Variants in SIK3 observed in about 807,000 individuals in gnomAD.
The protein encoded by SIK3 is serine/threonine-protein kinase SIK3.
Under a neutral mutation model 144.2 loss-of-function variants are expected in SIK3, and 28 were observed. That is an observed-to-expected ratio of 0.19 (90% CI 0.14 to 0.27). SIK3 has a LOEUF of 0.27. Ranked by LOEUF, SIK3 falls within the 10% of genes least tolerant of loss-of-function variation. SIK3 has a pLI of 1.00. For missense variants in SIK3, 1,319 were observed against 1,776.0 expected (o/e 0.74, Z 4.62); for synonymous variants, 686 against 676.3 (o/e 1.01, Z -0.22).
At chr11:116,954,570 T>C (rs897267605) in intron 2 of SIK3, among the ~76,000 whole-genome samples, 1 of 152,126 alleles carries the variant, frequency 6.6e-6, no homozygotes, top group South Asian at 2.1e-4. Context: ...CTTTCTTTTT[T>C]TTATAGAAAT....
rs866099351 is a variant in SIK3 at position 116,996,818 on chromosome 11, T to A, written c.274-39754A>T. On this transcript the variant is annotated intron_variant, in intron 1 of 24. Coordinates refer to ENST00000445177, the MANE Select transcript of SIK3 (RefSeq NM_001366686.3). ...CTGGGCGCCAGAGGGAGACTCTCTC[T>A]CAAAAAAAAAAAAAAAAAAAAAAAA... Among the ~76,000 whole-genome samples, 114 of 32,520 alleles carry A rather than the reference T, an allele frequency of 3.5e-3. 2 individuals carry two copies. The East Asian group carries it at 0.079, about 22-fold the overall frequency. The allele number at this position is 32,520 out of a possible 152,430, so 21.3% of individuals were successfully genotyped here.
At chr11:116,916,250 A>C (rs1371748975) in intron 4 of SIK3, among the ~76,000 whole-genome samples, 21 of 152,180 alleles carry the variant, frequency 1.4e-4, no homozygotes, top group Non-Finnish European at 1.5e-5. Flanking sequence ...ATATTTTAAA[A>C]AGACTAGATG....
At chr11:116,892,147 C>T (rs1368667995) in intron 6 of SIK3, among the ~76,000 whole-genome samples, 1 of 152,110 alleles carries the variant, frequency 6.6e-6, no homozygotes, top group East Asian at 1.9e-4. Context: ...AAAAAGTTAA[C>T]TGAGGACTGA....
chr11:116,993,577 G>A (rs1478971221), intron 1 of SIK3, among the ~76,000 whole-genome samples: 1 of 152,092 alleles, frequency 6.6e-6, no homozygotes, highest in Non-Finnish European at 1.5e-5. Context: ...TAGAGGAGCA[G>A]ATATTTAGGA....
intron 21 of SIK3, among the ~76,000 whole-genome samples, chr11:116,856,083 G>A (rs1173481273): frequency 1.3e-5 from 2 of 151,964 alleles, no homozygotes; most frequent in Non-Finnish European, 2.9e-5. Flanking sequence ...TGTAGTCCCA[G>A]CTACTCGGGA....
intron 6 of SIK3, among the ~76,000 whole-genome samples, chr11:116,887,245 TAAAAAAA>T (rs5795056): frequency 1.9e-5 from 2 of 103,642 alleles, no homozygotes; most frequent in African/African-American, 3.7e-5. Context: ...GTCTCTACAC[TAAAAAAA>T]AAAAAAAAAA....
intron 3 of SIK3, among the ~76,000 whole-genome samples, chr11:116,928,306 G>C (rs1172692567): frequency 3.3e-5 from 5 of 152,204 alleles, no homozygotes. Context: ...GGTCATGACA[G>C]CTAGTGGGAT....
intron 1 of SIK3, among the ~76,000 whole-genome samples, chr11:117,082,421 TACA>T (rs1283714921): frequency 6.6e-6 from 1 of 152,144 alleles, no homozygotes; most frequent in East Asian, 1.9e-4. Flanking sequence ...GGCGTATCCA[TACA>T]ACATAATATT....
At chr11:116,847,405 G>A in intron 23 of SIK3, 71 bp downstream of exon 23, 2 of 1,596,716 alleles carry the variant, frequency 1.3e-6, no homozygotes, top group South Asian at 1.1e-5. Flanking sequence ...GAAGAGAGGA[G>A]CAGTTACGGA....
chr11:116,960,961 G>A (rs1429215959), intron 1 of SIK3, among the ~76,000 whole-genome samples: 1 of 152,178 alleles, frequency 6.6e-6, no homozygotes, highest in African/African-American at 2.4e-5. Context: ...CAAATTGAGG[G>A]ACCAAGAAGC....
chr11:117,090,975 A>T (rs1257306474), intron 1 of SIK3, among the ~76,000 whole-genome samples: 1 of 152,188 alleles, frequency 6.6e-6, no homozygotes, highest in African/African-American at 2.4e-5. Context: ...CTTCCCCAGT[A>T]AAAAAGCAAG....
At chr11:117,023,156 GC>G (rs1464070073) in intron 1 of SIK3, among the ~76,000 whole-genome samples, 1 of 152,078 alleles carries the variant, frequency 6.6e-6, no homozygotes, top group East Asian at 1.9e-4. Flanking sequence ...ATTCTTATTA[GC>G]AGTTGTTGAG....
At chr11:116,882,313 T>G (rs1944591088) in intron 6 of SIK3, among the ~76,000 whole-genome samples, 1 of 152,216 alleles carries the variant, frequency 6.6e-6, no homozygotes. Flanking sequence ...CAAACTTATT[T>G]ATATACTCTA....
At position 116,844,619 on chromosome 11, in the gene SIK3, A is replaced by T. The variant is rs868566733; in HGVS notation, c.*1024T>A. 1.2e-3 allele frequency: 49 copies of T among 40,418 alleles called. No individual in the cohort carries two copies. Among genetic ancestry groups the T allele is most frequent in the African/African-American group, 8.2e-3 (36 of 4,400 alleles). The allele number at this position is 40,418 out of a possible 1,614,324, so 2.5% of individuals were successfully genotyped here. ...ATTTTATATATATATTATATATATAATATATATATAATATATTATATTATA... is the reference window on the plus strand; with the variant it reads ...ATTTTATATATATATTATATATATATTATATATATAATATATTATATTATA... On this transcript the variant is annotated 3_prime_UTR_variant, in exon 25 of 25. Coordinates refer to ENST00000445177, the MANE Select transcript of SIK3 (RefSeq NM_001366686.3).
At chr11:117,001,597 T>C (rs1950852765) in intron 1 of SIK3, among the ~76,000 whole-genome samples, 1 of 151,818 alleles carries the variant, frequency 6.6e-6, no homozygotes, top group Non-Finnish European at 1.5e-5. Context: ...GACAAGAGAA[T>C]CACAAGCCCA....
At chr11:116,877,567 T>C (rs1366175609) in intron 6 of SIK3, among the ~76,000 whole-genome samples, 1 of 152,216 alleles carries the variant, frequency 6.6e-6, no homozygotes, top group Non-Finnish European at 1.5e-5. Flanking sequence ...TTCTCTCCTA[T>C]GCCCTGGGAT....
intron 1 of SIK3, among the ~76,000 whole-genome samples, chr11:117,010,151 C>T (rs1591528881): frequency 6.6e-6 from 1 of 151,924 alleles, no homozygotes; most frequent in East Asian, 2.0e-4. Flanking sequence ...TTCCCCTCTT[C>T]CTTATTCACA....
At chr11:116,942,455 T>A (rs551699892) in intron 3 of SIK3, among the ~76,000 whole-genome samples, 1 of 152,198 alleles carries the variant, frequency 6.6e-6, no homozygotes, top group Admixed American at 6.5e-5. Flanking sequence ...GTAAATTTTA[T>A]TGACTCAAGA....
rs1211216498 is a variant in SIK3, at chr11:116,889,662, G to A, written c.865+6591C>T. 6.6e-5 allele frequency among the ~76,000 whole-genome samples: 10 copies of A among 152,302 alleles called. No individual in the cohort carries two copies. In the East Asian group the frequency reaches 9.6e-4, roughly 15 times the overall value. On this transcript the variant is annotated intron_variant, in intron 6 of 24. Coordinates refer to ENST00000445177, the MANE Select transcript of SIK3 (RefSeq NM_001366686.3). The stretch of plus-strand genomic sequence containing the variant: ...TGTAATCCCAAAACTTTGGGAGGCC[G>A]TGGTGGGCGGACTGCTTGAGTCCAG...
Sources: gnomAD v4.1 joint callset for allele counts (sites outside exome capture counted in the v4.1 genomes callset) on GRCh38, gnomAD v4.1.1 for gene constraint, MANE v1.5 for transcripts, NCBI Gene and HGNC (gene_info 2026-07-23, HGNC 2026-07-21) for gene names.